The following IGF2R variants were observed in gnomAD, a reference collection of about 807,000 sequenced individuals.
IGF2R encodes the protein cation-independent mannose-6-phosphate receptor.
In IGF2R, 91 loss-of-function variants were observed where a neutral mutation model predicts 270.6. That is an observed-to-expected ratio of 0.34 (90% CI 0.28 to 0.40). IGF2R has a LOEUF of 0.40. Among genes scored for constraint, IGF2R ranks in the 10% least tolerant of loss-of-function variants. The probability of loss-of-function intolerance (pLI) is 1.00; values close to 1 mark genes in which losing one functional copy is unlikely to be tolerated. For synonymous variants in IGF2R, 1,316 were observed against 1,258.9 expected, an observed-to-expected ratio of 1.05 and a Z score of -0.96; for missense variants, 2,805 against 3,188.3, an observed-to-expected ratio of 0.88 and a Z score of 2.90.
At chr6:160,051,625 G>T (rs191111692) in intron 19 of IGF2R, among the ~76,000 whole-genome samples, 1 of 152,138 alleles carries the variant, frequency 6.6e-6, no homozygotes, top group African/African-American at 2.4e-5. Flanking sequence ...GTGGGTGAAC[G>T]ATGAGGGCTG....
At chr6:160,065,814 G>GTGTGTGTTTATATATATATATATATATA in intron 29 of IGF2R, among the ~76,000 whole-genome samples, 1 of 78,392 alleles carries the variant, frequency 1.3e-5, no homozygotes. Flanking sequence ...GTGTGTGTGT[G>GTGTGTGTTTATATATATATATATATATA]TATATATATA....
At position 160,084,267 on chromosome 6, in the gene IGF2R, G is replaced by A; in HGVS notation, c.6068+83G>A. On this transcript the variant is annotated intron_variant, in intron 40 of 47. Transcript: ENST00000356956. The surrounding 1 kb of genome is among the most constrained non-coding windows in gnomAD (Gnocchi z 4.6). ...TGCTTGACGATGGTTGGCTCTTTTGGGTTCTCAAGATGGGAATACTATGCC... is the reference window on the plus strand; with the variant it reads ...TGCTTGACGATGGTTGGCTCTTTTGAGTTCTCAAGATGGGAATACTATGCC... 1 of 826,912 alleles carries A rather than the reference G, an allele frequency of 1.2e-6. No homozygotes were observed. The highest frequency in any genetic ancestry group is 2.0e-6 in the Non-Finnish European group (1 of 495,564). The allele number at this position is 826,912 out of a possible 1,614,324, so 51.2% of individuals were successfully genotyped here. A position where few individuals can be genotyped will look rare whatever the true frequency, so the allele number is the denominator to read the frequency against.
intron 31 of IGF2R, among the ~76,000 whole-genome samples, chr6:160,071,284 T>TCGG (rs59531535): frequency 3.4e-5 from 3 of 87,320 alleles, no homozygotes; most frequent in African/African-American, 1.3e-4. Context: ...GAGGGAAGGG[T>TCGG]GGGGGTGTGT....
chr6:159,988,560 G>A (rs186564179), intron 1 of IGF2R, among the ~76,000 whole-genome samples: 2 of 150,388 alleles, frequency 1.3e-5, no homozygotes, highest in Non-Finnish European at 3.0e-5. Flanking sequence ...TTTTAGGTAC[G>A]TGTGGATCTC....
At chr6:160,023,830 G>A (rs1365575327) in intron 4 of IGF2R, among the ~76,000 whole-genome samples, 1 of 152,220 alleles carries the variant, frequency 6.6e-6, no homozygotes, top group Non-Finnish European at 1.5e-5. Flanking sequence ...GGGATTGGGT[G>A]TAGACAGGAA....
chr6:160,093,604 C>T (rs564935766), intron 44 of IGF2R: 13 of 696,584 alleles, frequency 1.9e-5, no homozygotes, highest in African/African-American at 1.8e-4. Flanking sequence ...GGGACTGGAT[C>T]ATCAATGCCT....
chr6:160,048,690 C>G, intron 18 of IGF2R, 147 bp downstream of exon 18: 1 of 690,874 alleles, frequency 1.4e-6, no homozygotes, highest in Non-Finnish European at 2.4e-6. Context: ...TCCATGTGAA[C>G]TCATCTGCCT....
At chr6:159,973,111 G>A (rs1783635351) in intron 1 of IGF2R, among the ~76,000 whole-genome samples, 1 of 152,132 alleles carries the variant, frequency 6.6e-6, no homozygotes, top group African/African-American at 2.4e-5. Context: ...AGTGTTGAAG[G>A]TCAGTGGAGG....
rs1784087083 is a variant in IGF2R, at chr6:159,998,705, T to C, written c.289+7382T>C. Among the ~76,000 whole-genome samples, 2 of 152,192 alleles carry C rather than the reference T, an allele frequency of 1.3e-5. No individual in the cohort carries two copies. The highest frequency in any genetic ancestry group is 2.9e-5 in the Non-Finnish European group (2 of 68,030). On this transcript the variant is annotated intron_variant, in intron 2 of 47. Coordinates refer to ENST00000356956, the MANE Select transcript of IGF2R (RefSeq NM_000876.4). This position sits in a 1 kb window ranked among gnomAD's most constrained non-coding sequence, Gnocchi z 4.1. The stretch of plus-strand genomic sequence containing the variant: ...GAAACTTCCAGAGGGAGTCATCATA[T>C]ATACTTTCAGGACTCTCAGTAACGG...
At position 160,107,455 on chromosome 6, in the gene IGF2R, G is replaced by C. The variant is rs1037471177; in HGVS notation, c.*2371G>C. 8 of 152,252 alleles carry C rather than the reference G, an allele frequency of 5.3e-5. No individual in the cohort carries two copies. Among genetic ancestry groups the C allele is most frequent in the Non-Finnish European group, 1.0e-4 (7 of 68,034 alleles). The allele number at this position is 152,252 out of a possible 1,614,324, so 9.4% of individuals were successfully genotyped here. A position where few individuals can be genotyped will look rare whatever the true frequency, so the allele number is the denominator to read the frequency against. On this transcript the variant is annotated 3_prime_UTR_variant, in exon 48 of 48. Transcript: ENST00000356956. Reference sequence around the variant, plus strand: ...AGAAACCCAAGCCTCTGAAAAAAGAGTAACTACTTGCCAGCTGTTGTTACA... The same window carrying C: ...AGAAACCCAAGCCTCTGAAAAAAGACTAACTACTTGCCAGCTGTTGTTACA...
intron 33 of IGF2R, 128 bp from the exon 34 acceptor site, chr6:160,073,085 C>A (rs778629052): frequency 3.3e-5 from 47 of 1,403,932 alleles, no homozygotes; most frequent in Non-Finnish European, 4.2e-5. Flanking sequence ...TGGTTAAAGC[C>A]GGATTGGACA....
At chr6:160,032,775 G>C in intron 8 of IGF2R, 62 bp downstream of exon 8, 3 of 1,546,308 alleles carry the variant, frequency 1.9e-6, no homozygotes, top group Non-Finnish European at 2.6e-6. Context: ...GAGAGGGAAC[G>C]GGACAGTAGG....
chr6:159,991,399 T>TA, intron 2 of IGF2R, 76 bp downstream of exon 2: 2 of 1,291,596 alleles, frequency 1.5e-6, no homozygotes, highest in Non-Finnish European at 2.2e-6. Flanking sequence ...TGTATAGCTA[T>TA]ACGTATATAG....
chr6:160,040,543 C>G lies in IGF2R; in HGVS notation c.1316-17C>G. ...GGTCACGTATGGAGTTTAAATTTCT[C>G]CTCTTGAATTGTGCAGGTAACGATG... On this transcript the variant is annotated splice_polypyrimidine_tract_variant and intron_variant, in intron 10 of 47. Transcript: ENST00000356956. 6.2e-7 allele frequency: 1 copy of G among 1,612,608 alleles called. No homozygotes were observed. Among genetic ancestry groups the G allele is most frequent in the Non-Finnish European group, 8.5e-7 (1 of 1,178,890 alleles).
At chr6:160,067,231 G>C (rs1778605046) in intron 29 of IGF2R, among the ~76,000 whole-genome samples, 1 of 152,022 alleles carries the variant, frequency 6.6e-6, no homozygotes, top group Non-Finnish European at 1.5e-5. Flanking sequence ...TGCTCATGCT[G>C]TTCTCTGCCT....
rs1779363049 is a variant in IGF2R at position 160,096,515 on chromosome 6, C to T, written c.6732C>T (p.Ile2244=). 1.9e-6 allele frequency: 3 copies of T among 1,614,020 alleles called. No individual in the cohort carries two copies. The highest frequency in any genetic ancestry group is 3.3e-5 in the Admixed American group (2 of 60,014). ...AGACCAAGTCTGTTTCTTCCACCAT[C>T]TTCTTCCACTGTGACCCTCTGGTGG... ...KDKTKSVSST[I]FFHCDPLVED... is the part of the protein sequence containing the mutation. Residue 2244 remains isoleucine, a synonymous_variant, in exon 45 of 48, where the codon ATC becomes ATT. Coordinates refer to ENST00000356956, the MANE Select transcript of IGF2R (RefSeq NM_000876.4).
At position 160,090,238 on chromosome 6, in the gene IGF2R, G is replaced by A; in HGVS notation, c.6655+135G>A. On this transcript the variant is annotated intron_variant, in intron 44 of 47. Coordinates refer to ENST00000356956, the MANE Select transcript of IGF2R (RefSeq NM_000876.4). The stretch of plus-strand genomic sequence containing the variant: ...AAACCTTGGTCTAATTCTTTACTTT[G>A]TTATGAATTTCTTGACAGTGGATTG... 1.7e-5 allele frequency: 10 copies of A among 571,438 alleles called. No individual in the cohort carries two copies. In the South Asian group the frequency reaches 3.3e-4, roughly 19 times the overall value. 35.4% of individuals were successfully genotyped at this position (571,438 alleles called of 1,614,324 possible).
rs200510844 is a variant in IGF2R, at chr6:160,029,647, C to G, written c.874C>G (p.Arg292Gly). The G allele has an allele frequency of 6.2e-7, 1 of 1,610,096 alleles. No individual in the cohort carries two copies. Among genetic ancestry groups the G allele is most frequent in the Non-Finnish European group, 8.5e-7 (1 of 1,176,376 alleles). Residue 292 changes from arginine (R) to glycine (G), a missense_variant, in exon 7 of 48, where the codon CGG (arginine) becomes GGG (glycine). Around this residue, in one of 2 missense-constraint regions of IGF2R, gnomAD observed 954 missense variants for 981.1 expected, o/e 0.97. Transcript: ENST00000356956. ...VTITFVCPSE[R>G]REGTIPKLTA... is the part of the protein sequence containing the mutation. ...TATTACATTTGTTTGCCCGTCGGAG[C>G]GGAGAGAGGTAAGTGACTCGTCTCC...
chr6:160,074,968 T>G (rs1489458921), intron 35 of IGF2R, among the ~76,000 whole-genome samples: 5 of 152,196 alleles, frequency 3.3e-5, no homozygotes, highest in African/African-American at 1.2e-4. Context: ...GGCCACCCAT[T>G]GTCAAATGTT....
Sources: gnomAD v4.1 joint callset for allele counts (sites outside exome capture counted in the v4.1 genomes callset) on GRCh38, gnomAD v4.1.1 for gene constraint, gnomAD v4.1.1 regional missense constraint, Gnocchi (gnomAD v3.1) non-coding constraint, MANE v1.5 for transcripts, NCBI Gene and HGNC (gene_info 2026-07-23, HGNC 2026-07-21) for gene names.